Variants in SLC9A9 observed in about 807,000 individuals in gnomAD.
SLC9A9 encodes the protein sodium/hydrogen exchanger 9.
Under a neutral mutation model 77.8 loss-of-function variants are expected in SLC9A9, and 62 were observed. The observed-to-expected ratio is 0.80, with a 90% CI of 0.65 to 0.98. SLC9A9 has a LOEUF of 0.98. SLC9A9 is among the 50% of genes least tolerant of loss of function. The pLI is 0.00. For missense variants in SLC9A9, 775 were observed against 774.9 expected (o/e 1.00, Z 0.00); for synonymous variants, 320 against 283.5 (o/e 1.13, Z -1.29).
chr3:143,613,262 C>T lies in SLC9A9; in HGVS notation c.756-34539G>A, dbSNP rs112606177. Among the ~76,000 whole-genome samples the T allele has an allele frequency of 5.5e-3, 842 of 152,186 alleles. 9 individuals carry two copies. The highest frequency in any genetic ancestry group is 9.7e-3 in the Non-Finnish European group (662 of 67,998). ...TTTCAAAAAGCATCTTAGAATTAAA[C>T]AAAAATGTGAAAAAGGAATTTCAAA... is the stretch of plus-strand genomic sequence containing the variant. On this transcript the variant is annotated intron_variant, in intron 6 of 15. Coordinates refer to ENST00000316549, the MANE Select transcript of SLC9A9 (RefSeq NM_173653.4).
rs2038810298 is a variant in SLC9A9 at position 143,652,310 on chromosome 3, T to C, written c.700A>G (p.Thr234Ala). ...AACACACTCTCTCCAAACAAGAGTG[T>C]GTACAGGTCAGGGTCGACGTGCAGT... ...HELHVDPDLYTLLFGESVLND... is the reference protein window; with the variant it reads ...HELHVDPDLYALLFGESVLND... Residue 234 changes from threonine (T) to alanine (A), a missense_variant, in exon 6 of 16, where the codon ACA (threonine) becomes GCA (alanine). Physicochemically the swap from Thr to Ala is moderately conservative, Grantham distance 58. Transcript: ENST00000316549. The C allele has an allele frequency of 1.2e-6, 2 of 1,613,332 alleles. No individual in the cohort carries two copies. Among genetic ancestry groups the C allele is most frequent in the Admixed American group, 3.3e-5 (2 of 59,930 alleles).
chr3:143,791,172 AG>A (rs1376179340), intron 4 of SLC9A9, among the ~76,000 whole-genome samples: 2 of 152,194 alleles, frequency 1.3e-5, no homozygotes, highest in Non-Finnish European at 2.9e-5. Context: ...AAAATGGGAG[AG>A]GGTACTAGAG....
chr3:143,835,063 A>G (rs566586482), intron 1 of SLC9A9, among the ~76,000 whole-genome samples: 3 of 152,210 alleles, frequency 2.0e-5, no homozygotes, highest in African/African-American at 4.8e-5. Context: ...CCCATCATTA[A>G]TCTTGCCAAA....
chr3:143,609,644 G>A (rs2037986611), intron 6 of SLC9A9, among the ~76,000 whole-genome samples: 1 of 152,060 alleles, frequency 6.6e-6, no homozygotes, highest in Non-Finnish European at 1.5e-5. Context: ...ATTCCTTACA[G>A]TTCTAGAGAT....
chr3:143,449,812 T>TATATATATATACA (rs2034950767), intron 12 of SLC9A9, among the ~76,000 whole-genome samples: 1 of 66,952 alleles, frequency 1.5e-5, no homozygotes, highest in Non-Finnish European at 2.3e-5. Context: ...ATATATATAA[T>TATATATATATACA]TATATATTTA....
chr3:143,723,694 A>G (rs1046135538), intron 4 of SLC9A9, among the ~76,000 whole-genome samples: 3 of 152,188 alleles, frequency 2.0e-5, no homozygotes, highest in African/African-American at 7.2e-5. Context: ...TTTATAATAC[A>G]AAGAACTTGA....
rs538681330 is a variant in SLC9A9, at chr3:143,270,178, C to T, written c.1605-1198G>A. Reference sequence around the variant, plus strand: ...CCTTTCAGATGGGCAGCTGTTGTGCCCAGTTAGGTGAAGATATTAAAGTTC... The same window carrying T: ...CCTTTCAGATGGGCAGCTGTTGTGCTCAGTTAGGTGAAGATATTAAAGTTC... On this transcript the variant is annotated intron_variant, in intron 14 of 15. Coordinates refer to ENST00000316549, the MANE Select transcript of SLC9A9 (RefSeq NM_173653.4). Among the ~76,000 whole-genome samples the T allele has an allele frequency of 2.0e-5, 3 of 152,190 alleles. No homozygotes were observed. The South Asian group carries it at 6.2e-4, about 32-fold the overall frequency.
intron 9 of SLC9A9, among the ~76,000 whole-genome samples, chr3:143,540,049 G>A (rs1157231426): frequency 1.3e-5 from 2 of 152,006 alleles, no homozygotes; most frequent in Non-Finnish European, 2.9e-5. Context: ...GCTTGGTGGG[G>A]ATGAGAAAGA....
At chr3:143,806,425 C>T (rs143427756) in intron 2 of SLC9A9, among the ~76,000 whole-genome samples, 244 of 152,076 alleles carry the variant, frequency 1.6e-3, no homozygotes, top group Non-Finnish European at 2.5e-3. Flanking sequence ...AAATTGGGAT[C>T]GTATCAAGGA....
rs578261954 is a variant in SLC9A9 at position 143,618,233 on chromosome 3, C to A, written c.755+34022G>T. Among the ~76,000 whole-genome samples the A allele has an allele frequency of 2.0e-5, 3 of 152,238 alleles. No individual in the cohort carries two copies. The South Asian group carries it at 6.2e-4, about 32-fold the overall frequency. On this transcript the variant is annotated intron_variant, in intron 6 of 15. Transcript: ENST00000316549. ...TCCTAAAGTCAATAATGCATAAGGC[C>A]TACTTTATGTGGCCAACTGATTGAA... is the stretch of plus-strand genomic sequence containing the variant.
At chr3:143,777,490 T>C (rs1384613847) in intron 4 of SLC9A9, among the ~76,000 whole-genome samples, 1 of 152,208 alleles carries the variant, frequency 6.6e-6, no homozygotes, top group Non-Finnish European at 1.5e-5. Context: ...TATTTTCTAG[T>C]GAACTATTTA....
At chr3:143,788,103 G>A (rs1227658355) in intron 4 of SLC9A9, among the ~76,000 whole-genome samples, 1 of 151,842 alleles carries the variant, frequency 6.6e-6, no homozygotes, top group East Asian at 1.9e-4. Context: ...TTATAGAAGA[G>A]GTGGTGTAGA....
At position 143,266,279 on chromosome 3, in the gene SLC9A9, G is replaced by A. The variant is rs149226164; in HGVS notation, c.*423C>T. Reference sequence around the variant, plus strand: ...GCTGGGCATTCCCTTCAGCTTAGGAGCAAAATGTTTACTCTCAGAAGCTTT... The same window carrying A: ...GCTGGGCATTCCCTTCAGCTTAGGAACAAAATGTTTACTCTCAGAAGCTTT... On this transcript the variant is annotated 3_prime_UTR_variant, in exon 16 of 16. Transcript: ENST00000316549. 67 of 592,670 alleles carry A rather than the reference G, an allele frequency of 1.1e-4. No individual in the cohort carries two copies. The highest frequency in any genetic ancestry group is 1.7e-4 in the Non-Finnish European group (56 of 334,326). 36.7% of individuals were successfully genotyped at this position (592,670 alleles called of 1,614,324 possible).
intron 14 of SLC9A9, among the ~76,000 whole-genome samples, chr3:143,307,355 TTATAATAGACCTCTG>T (rs1236731609): frequency 6.6e-6 from 1 of 152,262 alleles, no homozygotes; most frequent in Non-Finnish European, 1.5e-5. Context: ...AGTGACTGGC[TTATAATAGACCTCTG>T]TAAATATTTA....
intron 12 of SLC9A9, among the ~76,000 whole-genome samples, chr3:143,408,462 T>C (rs1053167706): frequency 6.6e-6 from 1 of 152,226 alleles, no homozygotes; most frequent in Admixed American, 6.5e-5. Flanking sequence ...ATTAGCACTG[T>C]ATAATATTTA....
chr3:143,320,306 T>C (rs1233353806), intron 14 of SLC9A9, among the ~76,000 whole-genome samples: 1 of 152,250 alleles, frequency 6.6e-6, no homozygotes, highest in Non-Finnish European at 1.5e-5. Context: ...ACTGTTCCAA[T>C]GACATCAGAT....
intron 14 of SLC9A9, among the ~76,000 whole-genome samples, chr3:143,337,741 A>G (rs1474385323): frequency 6.6e-6 from 1 of 152,224 alleles, no homozygotes; most frequent in Non-Finnish European, 1.5e-5. Context: ...CAGCTTGGCA[A>G]ACCTTGATGC....
At chr3:143,499,690 G>A (rs1158653187) in intron 9 of SLC9A9, among the ~76,000 whole-genome samples, 1 of 151,820 alleles carries the variant, frequency 6.6e-6, no homozygotes, top group Non-Finnish European at 1.5e-5. Flanking sequence ...GGGCATCTTT[G>A]TTTTTTTCCC....
intron 4 of SLC9A9, among the ~76,000 whole-genome samples, chr3:143,741,630 A>G (rs554128975): frequency 6.6e-6 from 1 of 152,270 alleles, no homozygotes; most frequent in Non-Finnish European, 1.5e-5. Flanking sequence ...GTAACTCTAC[A>G]GTGGAGAAAC....
Sources: gnomAD v4.1 joint callset for allele counts (sites outside exome capture counted in the v4.1 genomes callset) on GRCh38, gnomAD v4.1.1 for gene constraint, MANE v1.5 for transcripts, NCBI Gene and HGNC (gene_info 2026-07-23, HGNC 2026-07-21) for gene names.